RNF6: variants seen among roughly 807,000 people sequenced by gnomAD.
The protein encoded by RNF6 is ring finger protein 6, also known as E3 ubiquitin-protein ligase RNF6.
RNF6 carries 21 observed loss-of-function variants against 50.1 expected under a neutral mutation model. That is an observed-to-expected ratio of 0.42 (90% confidence interval 0.30 to 0.60). The LOEUF (loss-of-function observed/expected upper bound fraction) is 0.60, where lower values mean the gene tolerates loss of function less well. Among genes scored for constraint, RNF6 ranks in the 20% least tolerant of loss-of-function variants. The pLI is 0.20. For synonymous variants in RNF6, 255 were observed against 291.8 expected (o/e 0.87, Z 1.29); for missense variants, 698 against 838.2 (o/e 0.83, Z 2.07).
downstream of RNF6, among the ~76,000 whole-genome samples, chr13:26,210,478 A>C (rs565306130): frequency 7.2e-4 from 109 of 152,326 alleles, no homozygotes; most frequent in South Asian, 2.5e-3. Flanking sequence ...ATTCATCTTT[A>C]TAATACAGAT....
chr13:26,139,642 T>G (rs1404961048), intron 5 of RNF6, among the ~76,000 whole-genome samples: 2 of 152,202 alleles, frequency 1.3e-5, no homozygotes, highest in African/African-American at 4.8e-5. Context: ...TGAAGGAAAT[T>G]GACATCTTTA....
chr13:26,153,806 T>C (rs1221741166), intron 5 of RNF6, among the ~76,000 whole-genome samples: 1 of 152,200 alleles, frequency 6.6e-6, no homozygotes, highest in Admixed American at 6.5e-5. Context: ...ATTGCTCCAA[T>C]AATATGTCAT....
chr13:26,222,710 A>G (rs1347746582), upstream of RNF6: 1 of 152,262 alleles, frequency 6.6e-6, no homozygotes, highest in Non-Finnish European at 1.5e-5. Context: ...GGCTAGAGCG[A>G]TCGTAGCTCA....
chr13:26,148,714 A>T (rs1871398897), intron 5 of RNF6, among the ~76,000 whole-genome samples: 3 of 134,556 alleles, frequency 2.2e-5, no homozygotes, highest in Non-Finnish European at 4.7e-5. Context: ...ATATATAATA[A>T]ATATATATTT....
Position 26,221,300 on chromosome 13 carries a change from A to AT in RNF6, c.-72dup, listed in dbSNP as rs1161494040. 6.6e-6 allele frequency: 1 copy of AT among 152,210 alleles called. No homozygotes were observed. Among genetic ancestry groups the AT allele is most frequent in the Non-Finnish European group, 1.5e-5 (1 of 68,046 alleles). The allele number at this position is 152,210 out of a possible 1,614,324, so 9.4% of individuals were successfully genotyped here. On this transcript the variant is annotated 5_prime_UTR_variant, in exon 2 of 5. An upstream open reading frame in the 5' UTR loses its in-frame stop. Coordinates refer to ENST00000381588, the MANE Select transcript of RNF6 (RefSeq NM_005977.4). ...CATATGCCATGGTATCCATCCTTCAATTGTTTGTGCCTTTTTTGAGAGCTG... is the reference window on the plus strand; with the variant it reads ...CATATGCCATGGTATCCATCCTTCAATTTGTTTGTGCCTTTTTTGAGAGCTG...
chr13:26,184,579 A>G lies in RNF6; in HGVS notation n.768+30895T>C, dbSNP rs150664021. 3.9e-3 allele frequency among the ~76,000 whole-genome samples: 590 copies of G among 152,344 alleles called. 4 individuals carry two copies. Among genetic ancestry groups the G allele is most frequent in the Non-Finnish European group, 5.8e-3 (394 of 68,038 alleles). Reference sequence around the variant, plus strand: ...TTTGTAAGACTTGACATATGAGAACAGATTATCTAATTGTTTCCCCTTTAT... The same window carrying G: ...TTTGTAAGACTTGACATATGAGAACGGATTATCTAATTGTTTCCCCTTTAT... On this transcript the variant is annotated intron_variant and non_coding_transcript_variant, in intron 5 of 5. Coordinates refer to the RNF6 transcript ENST00000468480.
Position 26,145,448 on chromosome 13 carries a change from G to C in RNF6, n.769-12997C>G, listed in dbSNP as rs539134216. On this transcript the variant is annotated intron_variant and non_coding_transcript_variant, in intron 5 of 5. Coordinates refer to the RNF6 transcript ENST00000468480. ...CTAGTAGGAGGTGACTGAATCATGG[G>C]GAGGGGGGGGGACTTCCCCCTTACT... is the stretch of plus-strand genomic sequence containing the variant. Among the ~76,000 whole-genome samples, 701 of 125,820 alleles carry C rather than the reference G, an allele frequency of 5.6e-3. 21 individuals carry two copies. Among genetic ancestry groups the C allele is most frequent in the Admixed American group, 9.5e-3 (120 of 12,578 alleles). 82.5% of individuals were successfully genotyped at this position (125,820 alleles called of 152,430 possible).
intron 5 of RNF6, among the ~76,000 whole-genome samples, chr13:26,178,714 G>C (rs941078374): frequency 2.0e-5 from 3 of 151,066 alleles, no homozygotes; most frequent in African/African-American, 7.3e-5. Flanking sequence ...ACAGTCATCA[G>C]ATGTATATTA....
intron 5 of RNF6, among the ~76,000 whole-genome samples, chr13:26,199,394 T>C (rs1868805364): frequency 6.6e-6 from 1 of 152,094 alleles, no homozygotes; most frequent in Non-Finnish European, 1.5e-5. Flanking sequence ...ATCATAGATA[T>C]AAATGTAAAA....
At chr13:26,150,057 TATATATAC>T (rs1038784645) in intron 5 of RNF6, among the ~76,000 whole-genome samples, 7 of 147,512 alleles carry the variant, frequency 4.7e-5, no homozygotes, top group Admixed American at 1.4e-4. Flanking sequence ...TGTATATATA[TATATATAC>T]ATATACATAC....
chr13:26,214,795 C>A lies in RNF6; in HGVS notation c.1087G>T (p.Ala363Ser), dbSNP rs751168250. 1 of 1,614,172 alleles carries A rather than the reference C, an allele frequency of 6.2e-7. No homozygotes were observed. The highest frequency in any genetic ancestry group is 1.1e-5 in the South Asian group (1 of 91,086). Reference protein sequence around the residue: ...QDRERERRGTAYTPFSNSRLV... With the variant: ...QDRERERRGTSYTPFSNSRLV... ...CTTGAATTAGAGAATGGGGTATATG[C>A]AGTACCTCTGCGTTCTCGTTCTCTA... is the stretch of plus-strand genomic sequence containing the variant. Residue 363 changes from alanine (A) to serine (S), a missense_variant, in exon 5 of 5, where the codon GCA becomes TCA. Transcript: ENST00000381588.
intron 5 of RNF6, among the ~76,000 whole-genome samples, chr13:26,150,127 A>G (rs1871514728): frequency 6.6e-6 from 1 of 150,990 alleles, no homozygotes; most frequent in South Asian, 2.1e-4. Context: ...AGTAAGTATT[A>G]TACACTTGAA....
chr13:26,199,034 TTAAGA>T (rs1271695795), intron 5 of RNF6, among the ~76,000 whole-genome samples: 4 of 151,960 alleles, frequency 2.6e-5, no homozygotes, highest in South Asian at 2.1e-4. Flanking sequence ...TTCAATATTG[TTAAGA>T]TATCAGTTCA....
chr13:26,207,112 G>C (rs183265669), intron 5 of RNF6, among the ~76,000 whole-genome samples: 1 of 152,062 alleles, frequency 6.6e-6, no homozygotes, highest in East Asian at 1.9e-4. Flanking sequence ...CTGGAGAGGA[G>C]GAGGGCAAGA....
At chr13:26,172,704 C>T (rs994263138) in intron 5 of RNF6, among the ~76,000 whole-genome samples, 1 of 152,096 alleles carries the variant, frequency 6.6e-6, no homozygotes, top group Non-Finnish European at 1.5e-5. Context: ...CCACCATGCC[C>T]GGCTAATTTT....
rs756453602 is a variant in RNF6 at position 26,214,113 on chromosome 13, T to C, written c.1769A>G (p.His590Arg). ...ATCACTTTCATTTAGTAAAAAAAAGTGAGCAAGGCGAAGAATGGGTAGTGT... is the reference window on the plus strand; with the variant it reads ...ATCACTTTCATTTAGTAAAAAAAAGCGAGCAAGGCGAAGAATGGGTAGTGT... Reference protein sequence around the residue: ...TGTLPILRLAHFFLLNESDDD... With the variant: ...TGTLPILRLARFFLLNESDDD... Residue 590 changes from histidine to arginine, a missense_variant, in exon 5 of 5, where the codon CAC (histidine) becomes CGC (arginine). By Grantham distance (29) the His-to-Arg change is conservative (BLOSUM62 0). Transcript: ENST00000381588. 3.8e-5 allele frequency: 61 copies of C among 1,614,064 alleles called. No individual in the cohort carries two copies. The highest frequency in any genetic ancestry group is 4.8e-5 in the Non-Finnish European group (57 of 1,180,038).
At chr13:26,204,541 GA>G (rs1869028706) in intron 5 of RNF6, among the ~76,000 whole-genome samples, 1 of 144,812 alleles carries the variant, frequency 6.9e-6, no homozygotes, top group South Asian at 2.3e-4. Flanking sequence ...AAAGAAAAAA[GA>G]AAAGGGAAAC....
chr13:26,168,623 C>T (rs1346472297), intron 5 of RNF6, among the ~76,000 whole-genome samples: 1 of 152,200 alleles, frequency 6.6e-6, no homozygotes, highest in Non-Finnish European at 1.5e-5. Context: ...TAGTTCATAG[C>T]CAGCTCATCC....
intron 5 of RNF6, among the ~76,000 whole-genome samples, chr13:26,179,988 G>A (rs1873158703): frequency 2.0e-5 from 3 of 152,220 alleles, no homozygotes; most frequent in South Asian, 4.1e-4. Context: ...TGCAGCCAGC[G>A]ACCCTGCTTC....
Sources: allele counts gnomAD v4.1 joint callset (sites outside exome capture counted in the v4.1 genomes callset), GRCh38; gene constraint gnomAD v4.1.1; transcripts MANE v1.5; gene names NCBI Gene and HGNC (gene_info 2026-07-23, HGNC 2026-07-21).